Variants in LEF1 observed in about 807,000 individuals in gnomAD.
LEF1 encodes lymphoid enhancer-binding factor 1.
Under a neutral mutation model 51.2 loss-of-function variants are expected in LEF1, and 14 were observed. That is an observed-to-expected ratio of 0.27 (90% CI 0.18 to 0.43). The LOEUF (loss-of-function observed/expected upper bound fraction) is 0.43. Ranked by LOEUF, LEF1 falls within the 20% of genes least tolerant of loss-of-function variation. The pLI is 1.00. For synonymous variants in LEF1, 185 were observed against 183.2 expected (o/e 1.01, Z -0.08); for missense variants, 386 against 512.0 (o/e 0.75, Z 2.37).
chr4:108,091,862 G>T (rs1273436452), intron 3 of LEF1, among the ~76,000 whole-genome samples: 1 of 152,078 alleles, frequency 6.6e-6, no homozygotes, highest in African/African-American at 2.4e-5. Context: ...TGTTAAAATC[G>T]ATAGATTTCA....
At chr4:108,069,411 C>T (rs1162903787) in intron 9 of LEF1, among the ~76,000 whole-genome samples, 1 of 152,170 alleles carries the variant, frequency 6.6e-6, no homozygotes, top group African/African-American at 2.4e-5. Flanking sequence ...AAGTGAGATG[C>T]TCAAATTCTA....
chr4:108,120,031 GTATGTA>G (rs1237947735), intron 3 of LEF1, among the ~76,000 whole-genome samples: 85 of 145,090 alleles, frequency 5.9e-4, no homozygotes, highest in African/African-American at 2.0e-3. Flanking sequence ...GTGTGTGTGT[GTATGTA>G]TGTATATATT....
intron 3 of LEF1, among the ~76,000 whole-genome samples, chr4:108,130,409 C>CTGTT (rs893575775): frequency 9.2e-5 from 14 of 152,018 alleles, no homozygotes; most frequent in Admixed American, 2.0e-4. Context: ...ATATTATTAA[C>CTGTT]TGTTTATGGC....
intron 3 of LEF1, among the ~76,000 whole-genome samples, chr4:108,122,432 C>A (rs939868488): frequency 2.0e-5 from 3 of 152,004 alleles, no homozygotes; most frequent in African/African-American, 7.3e-5. Flanking sequence ...TCAGATCCCT[C>A]GTTTCATTAA....
At chr4:108,133,517 G>A (rs1383348359) in intron 3 of LEF1, among the ~76,000 whole-genome samples, 1 of 152,094 alleles carries the variant, frequency 6.6e-6, no homozygotes, top group Non-Finnish European at 1.5e-5. Flanking sequence ...ACCTCTGTTG[G>A]AGCTCATCCA....
At chr4:108,065,524 T>A (rs985786444) in intron 9 of LEF1, among the ~76,000 whole-genome samples, 5 of 152,196 alleles carry the variant, frequency 3.3e-5, no homozygotes, top group African/African-American at 1.2e-4. Flanking sequence ...AAGACTCCAT[T>A]ATTTTTGATG....
intron 3 of LEF1, among the ~76,000 whole-genome samples, chr4:108,104,856 T>C (rs369660650): frequency 2.0e-5 from 3 of 152,276 alleles, no homozygotes; most frequent in South Asian, 4.2e-4. Context: ...AGCTAGGAGT[T>C]GGAGGTGTGC....
At chr4:108,064,461 G>A (rs1737914990) in intron 9 of LEF1, 77 bp from the exon 10 acceptor site, 9 of 1,103,720 alleles carry the variant, frequency 8.2e-6, no homozygotes, top group Non-Finnish European at 1.2e-5. Context: ...GGAAGTACAG[G>A]CAGGTGGTCA....
intron 3 of LEF1, among the ~76,000 whole-genome samples, chr4:108,135,583 G>A (rs1338568968): frequency 6.6e-6 from 1 of 152,294 alleles, no homozygotes; most frequent in South Asian, 2.1e-4. Context: ...CCCAGGAGAG[G>A]TACAGTGCTG....
At chr4:108,121,783 C>T (rs529627190) in intron 3 of LEF1, among the ~76,000 whole-genome samples, 1 of 152,188 alleles carries the variant, frequency 6.6e-6, no homozygotes, top group Admixed American at 6.5e-5. Flanking sequence ...TTTACTGCAC[C>T]TTTTAGTCTT....
At chr4:108,135,091 G>T (rs1204435242) in intron 3 of LEF1, among the ~76,000 whole-genome samples, 4 of 152,132 alleles carry the variant, frequency 2.6e-5, no homozygotes, top group Admixed American at 2.0e-4. Context: ...CAAGTTGATG[G>T]GTCCATAAAC....
At chr4:108,138,506 T>TACACAC (rs79489271) in intron 3 of LEF1, among the ~76,000 whole-genome samples, 74,393 of 150,242 alleles carry the variant, frequency 0.5, 19,066 homozygotes, top group Middle Eastern at 0.61. Flanking sequence ...TGTGTGTGTA[T>TACACAC]ACACACACAC....
chr4:108,106,835 A>C (rs1741199317), intron 3 of LEF1, among the ~76,000 whole-genome samples: 1 of 152,172 alleles, frequency 6.6e-6, no homozygotes, highest in Admixed American at 6.5e-5. Context: ...AACACTCACC[A>C]ATGAAGGGGA....
chr4:108,067,381 A>C (rs924849770), intron 9 of LEF1, among the ~76,000 whole-genome samples: 3 of 152,232 alleles, frequency 2.0e-5, no homozygotes, highest in Non-Finnish European at 2.9e-5. Context: ...ATTACTTAAG[A>C]ATTAGAAAAA....
At chr4:108,061,210 T>C (rs757660108) in intron 11 of LEF1, among the ~76,000 whole-genome samples, 1 of 151,908 alleles carries the variant, frequency 6.6e-6, no homozygotes, top group Non-Finnish European at 1.5e-5. Flanking sequence ...GGCCTGAGAA[T>C]GTTTTAGGGG....
intron 3 of LEF1, among the ~76,000 whole-genome samples, chr4:108,127,545 TTC>T (rs1052807253): frequency 2.0e-5 from 3 of 152,182 alleles, no homozygotes; most frequent in African/African-American, 7.2e-5. Flanking sequence ...AAATGTTATG[TTC>T]TCTCTCCTTC....
intron 9 of LEF1, among the ~76,000 whole-genome samples, chr4:108,064,650 CT>C (rs1737931593): frequency 7.5e-6 from 1 of 133,170 alleles, no homozygotes; most frequent in Non-Finnish European, 1.5e-5. Context: ...CTCTCTCTCT[CT>C]CACTCACACA....
chr4:108,131,855 T>C (rs1408564288), intron 3 of LEF1, among the ~76,000 whole-genome samples: 1 of 152,218 alleles, frequency 6.6e-6, no homozygotes, highest in Non-Finnish European at 1.5e-5. Context: ...TATGATGATA[T>C]AACAGTGAGT....
intron 9 of LEF1, among the ~76,000 whole-genome samples, chr4:108,065,198 A>C (rs958074329): frequency 2.6e-5 from 4 of 152,164 alleles, no homozygotes; most frequent in African/African-American, 9.7e-5. Flanking sequence ...CCTCAAAAAT[A>C]ATTTTAGGCT....
Sources: allele counts gnomAD v4.1 joint callset (sites outside exome capture counted in the v4.1 genomes callset), GRCh38; gene constraint gnomAD v4.1.1; transcripts MANE v1.5; gene names NCBI Gene and HGNC (gene_info 2026-07-23, HGNC 2026-07-21).